CHODL: variants seen among roughly 807,000 people sequenced by gnomAD.
CHODL encodes transmembrane protein MT75.
CHODL carries 29 observed loss-of-function variants against 34.5 expected under a neutral mutation model. The ratio of observed to expected loss-of-function variants is 0.84; its 90% CI spans 0.63 to 1.15. The LOEUF is 1.15. CHODL is among the 50% of genes most tolerant of loss of function. CHODL has a pLI of 0.00. For missense variants in CHODL, 332 were observed against 332.5 expected (o/e 1.00, Z 0.01); for synonymous variants, 125 against 116.1 (o/e 1.08, Z -0.49).
intron 1 of CHODL, among the ~76,000 whole-genome samples, chr21:17,997,205 G>A (rs1457462635): frequency 6.6e-6 from 1 of 152,140 alleles, no homozygotes; most frequent in Non-Finnish European, 1.5e-5. Context: ...TGAATAACTG[G>A]TATGTCTAGA....
chr21:18,204,293 C>T (rs985109041), intron 2 of CHODL, among the ~76,000 whole-genome samples: 3 of 152,032 alleles, frequency 2.0e-5, no homozygotes, highest in Non-Finnish European at 4.4e-5. Context: ...TTTAAAAACC[C>T]TGCATCTTCT....
intron 1 of CHODL, among the ~76,000 whole-genome samples, chr21:17,952,945 TA>T (rs2063470437): frequency 6.6e-6 from 1 of 152,138 alleles, no homozygotes; most frequent in Non-Finnish European, 1.5e-5. Context: ...CTGCCACTTT[TA>T]AACCATCAGA....
intron 1 of CHODL, among the ~76,000 whole-genome samples, chr21:17,925,418 G>A (rs1180939318): frequency 6.6e-6 from 1 of 151,950 alleles, no homozygotes; most frequent in African/African-American, 2.4e-5. Context: ...TTCATGCTGA[G>A]TGTAAATTTG....
At chr21:17,979,281 G>A (rs1299161432) in intron 1 of CHODL, among the ~76,000 whole-genome samples, 1 of 152,176 alleles carries the variant, frequency 6.6e-6, no homozygotes, top group African/African-American at 2.4e-5. Context: ...CTATTTGAGA[G>A]AGTTCTTGAT....
chr21:18,226,297 T>C (rs1342324408), intron 2 of CHODL, among the ~76,000 whole-genome samples: 1 of 152,134 alleles, frequency 6.6e-6, no homozygotes, highest in Non-Finnish European at 1.5e-5. Flanking sequence ...AAAGGAAATG[T>C]TTTATTAGTA....
intron 2 of CHODL, among the ~76,000 whole-genome samples, chr21:18,035,640 T>C (rs1408590015): frequency 6.6e-6 from 1 of 152,180 alleles, no homozygotes; most frequent in East Asian, 1.9e-4. Flanking sequence ...TACTTCTTCT[T>C]TTTCAGTCTT....
chr21:17,988,249 C>T (rs1321900454), intron 1 of CHODL, among the ~76,000 whole-genome samples: 2 of 152,070 alleles, frequency 1.3e-5, no homozygotes, highest in East Asian at 1.9e-4. Context: ...ATCTTGCTTG[C>T]CTTGTTGATA....
chr21:17,978,100 G>A (rs1170795179), intron 1 of CHODL, among the ~76,000 whole-genome samples: 1 of 151,892 alleles, frequency 6.6e-6, no homozygotes, highest in East Asian at 1.9e-4. Context: ...TGGTTTGTTT[G>A]GGGTCTCTTC....
At chr21:18,243,339 G>A (rs140710913), upstream of CHODL, among the ~76,000 whole-genome samples, 5 of 152,268 alleles carry the variant, frequency 3.3e-5, no homozygotes, top group Non-Finnish European at 5.9e-5. Context: ...GCCTGGAGGC[G>A]TATCAGTTTT....
chr21:17,932,725 G>A (rs1363600089), intron 1 of CHODL, among the ~76,000 whole-genome samples: 1 of 152,154 alleles, frequency 6.6e-6, no homozygotes, highest in African/African-American at 2.4e-5. Flanking sequence ...ATACTGAAGG[G>A]GTGCGTTGCC....
chr21:18,152,086 C>T (rs144993988), intron 2 of CHODL, among the ~76,000 whole-genome samples: 24 of 151,250 alleles, frequency 1.6e-4, no homozygotes, highest in Non-Finnish European at 2.9e-4. Flanking sequence ...TTATTTCAGT[C>T]GAGTTTAGTA....
Position 17,979,712 on chromosome 21 carries a change from G to C in CHODL, c.-144-48160G>C, listed in dbSNP as rs370508280. ...AAACTTGTATTTTGTTTGGAAAATC[G>C]TTTCTTTCCTTGAGGAATTATGTTT... is the stretch of plus-strand genomic sequence containing the variant. On this transcript the variant is annotated intron_variant, in intron 1 of 6. Transcript: ENST00000400127. Among the ~76,000 whole-genome samples the C allele has an allele frequency of 3.9e-4, 59 of 152,244 alleles. No individual in the cohort carries two copies. In the South Asian group the frequency reaches 0.012, roughly 31 times the overall value.
intron 2 of CHODL, among the ~76,000 whole-genome samples, chr21:18,223,616 C>T (rs1307787520): frequency 6.6e-6 from 1 of 152,080 alleles, no homozygotes; most frequent in Non-Finnish European, 1.5e-5. Flanking sequence ...GGACTTAGAG[C>T]ACAAGGTGAT....
At chr21:17,977,321 A>C (rs1036539334) in intron 1 of CHODL, among the ~76,000 whole-genome samples, 3 of 151,536 alleles carry the variant, frequency 2.0e-5, no homozygotes, top group African/African-American at 7.3e-5. Context: ...TGCAGAAATA[A>C]CATGCTTTGG....
chr21:18,207,836 A>T (rs187606075), intron 2 of CHODL, among the ~76,000 whole-genome samples: 1 of 151,814 alleles, frequency 6.6e-6, no homozygotes, highest in Non-Finnish European at 1.5e-5. Context: ...TATTGCAGAT[A>T]TATTTTATTT....
At chr21:18,040,077 C>G (rs920926652) in intron 2 of CHODL, among the ~76,000 whole-genome samples, 3 of 151,820 alleles carry the variant, frequency 2.0e-5, no homozygotes, top group African/African-American at 7.2e-5. Context: ...TGTTATTTAA[C>G]TATTCAAACC....
chr21:17,927,202 G>T (rs1452629737), intron 1 of CHODL, among the ~76,000 whole-genome samples: 9 of 146,594 alleles, frequency 6.1e-5, no homozygotes, highest in Non-Finnish European at 4.4e-5. Context: ...GTATGTATGT[G>T]TGTGTGTATA....
chr21:18,136,521 A>G (rs2072730665), intron 2 of CHODL, among the ~76,000 whole-genome samples: 1 of 152,118 alleles, frequency 6.6e-6, no homozygotes, highest in Admixed American at 6.6e-5. Context: ...ATGAGGCACC[A>G]CTGAGTGTTT....
At position 18,060,836 on chromosome 21, in the gene CHODL, C is replaced by G. The variant is rs148950813; in HGVS notation, c.-45+32865C>G. The stretch of plus-strand genomic sequence containing the variant: ...TTTCTGTGTCTGTGCTTCAGAGACT[C>G]ACCTGAGGGGTAAGTCTGTGAAAAG... On this transcript the variant is annotated intron_variant, in intron 2 of 6. Coordinates refer to the CHODL transcript ENST00000400127. Among the ~76,000 whole-genome samples the G allele has an allele frequency of 8.7e-3, 1,318 of 152,010 alleles. 25 individuals are homozygous for G. The highest frequency in any genetic ancestry group is 0.05 in the South Asian group (239 of 4,816).
Sources: allele counts gnomAD v4.1 joint callset (sites outside exome capture counted in the v4.1 genomes callset), GRCh38; gene constraint gnomAD v4.1.1; transcripts MANE v1.5; gene names NCBI Gene and HGNC (gene_info 2026-07-23, HGNC 2026-07-21).